The following NEK1 variants were observed in gnomAD, a reference collection of about 807,000 sequenced individuals.
NEK1 encodes the protein NIMA related kinase 1.
In NEK1, 137 loss-of-function variants were observed where a neutral mutation model predicts 182.1. That is an observed-to-expected ratio of 0.75 (90% CI 0.65 to 0.87). The LOEUF is 0.87. Among genes scored for constraint, NEK1 ranks in the 40% least tolerant of loss-of-function variants. NEK1 has a pLI of 0.00. For missense variants in NEK1, 1,391 were observed against 1,494.4 expected, an observed-to-expected ratio of 0.93 and a Z score of 1.14; for synonymous variants, 513 against 492.2, an observed-to-expected ratio of 1.04 and a Z score of -0.56.
At chr4:169,446,662 T>C (rs1740627691) in intron 27 of NEK1, among the ~76,000 whole-genome samples, 1 of 151,948 alleles carries the variant, frequency 6.6e-6, no homozygotes, top group African/African-American at 2.4e-5. Flanking sequence ...AAATTCAAAA[T>C]AACAGAAAAA....
At chr4:169,454,814 A>G (rs1273733579) in intron 27 of NEK1, among the ~76,000 whole-genome samples, 1 of 152,180 alleles carries the variant, frequency 6.6e-6, no homozygotes, top group Non-Finnish European at 1.5e-5. Context: ...TTTGACCCAG[A>G]AATCCCATTA....
intron 18 of NEK1, among the ~76,000 whole-genome samples, chr4:169,551,306 A>G (rs367603975): frequency 2.0e-5 from 3 of 152,232 alleles, no homozygotes; most frequent in South Asian, 4.1e-4. Flanking sequence ...AAAAAAACTT[A>G]GTAATATTTC....
chr4:169,426,712 C>T (rs1736455488), intron 29 of NEK1, among the ~76,000 whole-genome samples: 1 of 152,054 alleles, frequency 6.6e-6, no homozygotes, highest in Non-Finnish European at 1.5e-5. Context: ...ATATTAATAC[C>T]ATGGAATATC....
At chr4:169,473,122 C>A (rs993348414) in intron 26 of NEK1, among the ~76,000 whole-genome samples, 1 of 150,738 alleles carries the variant, frequency 6.6e-6, no homozygotes, top group Non-Finnish European at 1.5e-5. Flanking sequence ...AAAAATTAGC[C>A]GGGCATGGCA....
intron 30 of NEK1, among the ~76,000 whole-genome samples, chr4:169,425,169 C>T (rs1034839071): frequency 8.8e-5 from 13 of 148,386 alleles, no homozygotes; most frequent in African/African-American, 3.1e-4. Context: ...ACTCTCTCTC[C>T]ACAAAAAATA....
intron 27 of NEK1, among the ~76,000 whole-genome samples, chr4:169,455,342 A>G (rs578243211): frequency 5.2e-4 from 79 of 152,212 alleles, no homozygotes; most frequent in African/African-American, 1.5e-3. Context: ...AAAAAAAAGA[A>G]GACTCAATGA....
chr4:169,489,693 C>T (rs1248333985), intron 23 of NEK1, among the ~76,000 whole-genome samples: 1 of 152,124 alleles, frequency 6.6e-6, no homozygotes, highest in Non-Finnish European at 1.5e-5. Flanking sequence ...CCACTATGCC[C>T]TACTGGCTCC....
intron 23 of NEK1, among the ~76,000 whole-genome samples, chr4:169,488,264 G>A (rs1014784987): frequency 5.9e-5 from 9 of 152,056 alleles, no homozygotes; most frequent in Non-Finnish European, 1.2e-4. Context: ...TGTCCTGAAC[G>A]ATACTGCCTA....
Position 169,424,565 on chromosome 4 carries a change from T to C in NEK1, c.3210A>G (p.Ala1070=), listed in dbSNP as rs1429857492. 2 of 1,593,348 alleles carry C rather than the reference T, an allele frequency of 1.3e-6. No individual in the cohort carries two copies. The highest frequency in any genetic ancestry group is 1.7e-5 in the Admixed American group (1 of 58,808). The change falls in exon 31 of 36, where the codon GCA becomes GCG. Residue 1070 remains alanine (A), a synonymous_variant. Transcript: ENST00000507142. ...LIGLSTGLFD[A]NNPKMLRTCS... ...GGACCATACTTGCCTTTGGGTTGTT[T>C]GCATCAAACAGACCAGTTGAAAGTC... is the stretch of plus-strand genomic sequence containing the variant.
At chr4:169,550,083 C>G (rs1283660993) in intron 18 of NEK1, among the ~76,000 whole-genome samples, 2 of 152,100 alleles carry the variant, frequency 1.3e-5, no homozygotes, top group African/African-American at 2.4e-5. Flanking sequence ...ATTGAAACTC[C>G]CATAATTCCC....
intron 32 of NEK1, among the ~76,000 whole-genome samples, chr4:169,404,221 A>G (rs547247572): frequency 6.6e-6 from 1 of 152,286 alleles, no homozygotes; most frequent in Non-Finnish European, 1.5e-5. Flanking sequence ...ATGTTCTCCA[A>G]TAGGATTAAT....
At chr4:169,544,782 A>C (rs924842145) in intron 18 of NEK1, among the ~76,000 whole-genome samples, 2 of 151,634 alleles carry the variant, frequency 1.3e-5, no homozygotes, top group African/African-American at 2.4e-5. Flanking sequence ...AGGTATTTAT[A>C]GTATTCTCTG....
chr4:169,606,556 T>C (rs994331486), intron 2 of NEK1, among the ~76,000 whole-genome samples: 1 of 152,086 alleles, frequency 6.6e-6, no homozygotes, highest in Non-Finnish European at 1.5e-5. Context: ...ACAGGATTGG[T>C]GAAGAGCTTG....
At chr4:169,505,014 T>C (rs1374634046) in intron 23 of NEK1, among the ~76,000 whole-genome samples, 1 of 151,378 alleles carries the variant, frequency 6.6e-6, no homozygotes, top group Non-Finnish European at 1.5e-5. Context: ...ACCATGTACC[T>C]ACAAAAATTA....
At chr4:169,539,604 G>C (rs1177946605) in intron 18 of NEK1, among the ~76,000 whole-genome samples, 1 of 151,984 alleles carries the variant, frequency 6.6e-6, no homozygotes, top group Non-Finnish European at 1.5e-5. Context: ...AATGCAACTT[G>C]TTTCCTGCAT....
In NEK1 at chr4:169,393,304, A is replaced by G. The variant is rs1245778391; in HGVS notation, c.*1206T>C. 1 of 152,232 alleles carries G rather than the reference A, an allele frequency of 6.6e-6. No individual in the cohort carries two copies. The highest frequency in any genetic ancestry group is 1.5e-5 in the Non-Finnish European group (1 of 68,028). 9.4% of individuals were successfully genotyped at this position (152,232 alleles called of 1,614,324 possible). ...TAGATAATAAAAATTTAATAGCAAT[A>G]TCATAAAATAAACACACATATTAAA... On this transcript the variant is annotated 3_prime_UTR_variant, in exon 36 of 36. Coordinates refer to ENST00000507142, the MANE Select transcript of NEK1 (RefSeq NM_001199397.3).
chr4:169,463,394 T>C lies in NEK1; in HGVS notation c.2436A>G (p.Arg812=), dbSNP rs369734905. The C allele has an allele frequency of 1.3e-6, 2 of 1,593,520 alleles. No homozygotes were observed. Among genetic ancestry groups the C allele is most frequent in the South Asian group, 1.2e-5 (1 of 86,840 alleles). Residue 812 remains arginine, a splice_region_variant and synonymous_variant, in exon 27 of 36, where the codon AGA becomes AGG. Transcript: ENST00000507142. ...TLDTSFSTTE[R]HTVGEVIKLG... is the part of the protein sequence containing the mutation. ...ATTTAATAACTTCTCCCACTGTATG[T>C]CCTATAAGAAAAATATACAAAGAAA...
intron 23 of NEK1, among the ~76,000 whole-genome samples, chr4:169,493,425 T>C (rs530697212): frequency 1.4e-4 from 22 of 152,350 alleles, no homozygotes; most frequent in Admixed American, 3.3e-4. Flanking sequence ...TCTAGCTCCC[T>C]AGCCATGGAT....
At chr4:169,572,302 C>T (rs1765000813) in intron 12 of NEK1, among the ~76,000 whole-genome samples, 1 of 152,036 alleles carries the variant, frequency 6.6e-6, no homozygotes, top group African/African-American at 2.4e-5. Flanking sequence ...TCACAATTGA[C>T]AGGATATGAC....
Sources: gnomAD v4.1 joint callset for allele counts (sites outside exome capture counted in the v4.1 genomes callset) on GRCh38, gnomAD v4.1.1 for gene constraint, MANE v1.5 for transcripts, NCBI Gene and HGNC (gene_info 2026-07-23, HGNC 2026-07-21) for gene names.